The following HIVEP2 variants were observed in gnomAD, a reference collection of about 807,000 sequenced individuals.
HIVEP2 encodes the protein HIVEP zinc finger 2, also known as transcription factor HIVEP2.
Under a neutral mutation model 180.7 loss-of-function variants are expected in HIVEP2, and 14 were observed. The observed-to-expected ratio is 0.08, with a 90% CI of 0.05 to 0.12. The LOEUF is 0.12. HIVEP2 is among the 10% of genes least tolerant of loss of function. The pLI, the probability that HIVEP2 is intolerant of heterozygous loss-of-function variation, is 1.00. For missense variants in HIVEP2, 2,579 were observed against 3,008.5 expected (o/e 0.86, Z 3.34); for synonymous variants, 1,184 against 1,136.4 (o/e 1.04, Z -0.84).
chr6:142,866,499 C>T (rs1776142194), intron 1 of HIVEP2, among the ~76,000 whole-genome samples: 1 of 149,960 alleles, frequency 6.7e-6, no homozygotes, highest in South Asian at 2.2e-4. Context: ...AGCGTTAGGT[C>T]AGTGCTAACT....
At chr6:142,888,171 CT>C (rs556962370) in intron 1 of HIVEP2, among the ~76,000 whole-genome samples, 152 of 152,220 alleles carry the variant, frequency 1.0e-3, no homozygotes, top group Middle Eastern at 6.8e-3. Context: ...TAGTTTTCTC[CT>C]TTAGTCTCAG....
At chr6:142,781,149 A>G (rs1562514282) in intron 3 of HIVEP2, among the ~76,000 whole-genome samples, 4 of 152,222 alleles carry the variant, frequency 2.6e-5, no homozygotes, top group African/African-American at 7.2e-5. Context: ...ATGGTTAATT[A>G]TAGCTACAGT....
chr6:142,782,044 G>A (rs746594163), intron 3 of HIVEP2, among the ~76,000 whole-genome samples: 1 of 152,068 alleles, frequency 6.6e-6, no homozygotes, highest in Non-Finnish European at 1.5e-5. Flanking sequence ...AAATAATGAC[G>A]GTATACAATG....
intron 1 of HIVEP2, among the ~76,000 whole-genome samples, chr6:142,838,798 C>G (rs757891611): frequency 6.6e-6 from 1 of 152,098 alleles, no homozygotes; most frequent in Non-Finnish European, 1.5e-5. Context: ...TTCAGTCCCT[C>G]TTCATTTCTT....
chr6:142,794,714 A>G (rs534064), intron 2 of HIVEP2, among the ~76,000 whole-genome samples: 5,519 of 152,296 alleles, frequency 0.036, 126 homozygotes, highest in Non-Finnish European at 0.061. Context: ...TTACACCGGC[A>G]GATCCTACAC....
intron 1 of HIVEP2, among the ~76,000 whole-genome samples, chr6:142,911,262 T>G (rs1777398648): frequency 6.6e-6 from 1 of 151,766 alleles, no homozygotes; most frequent in Non-Finnish European, 1.5e-5. Flanking sequence ...ACAGTTGGGA[T>G]TCAGAAAGGA....
chr6:142,921,979 T>C (rs1052349806), intron 1 of HIVEP2, among the ~76,000 whole-genome samples: 1 of 152,244 alleles, frequency 6.6e-6, no homozygotes, highest in Non-Finnish European at 1.5e-5. Context: ...CATATGGTAT[T>C]GATGCTTAAA....
At chr6:142,807,613 C>G (rs1776586235) in intron 2 of HIVEP2, among the ~76,000 whole-genome samples, 1 of 152,162 alleles carries the variant, frequency 6.6e-6, no homozygotes, top group Admixed American at 6.5e-5. Flanking sequence ...TAACTTGTAT[C>G]TGCTGAAGAA....
chr6:142,752,424 C>T lies in HIVEP2; in HGVS notation c.*683G>A, dbSNP rs1774944948. ...AGCAAACAAGAGACAAAAAAATATA[C>T]AAGAGTTAAGAACTGACTGATACAT... On this transcript the variant is annotated 3_prime_UTR_variant, in exon 10 of 10. Coordinates refer to ENST00000367603, the MANE Select transcript of HIVEP2 (RefSeq NM_006734.4). 1 of 152,518 alleles carries T rather than the reference C, an allele frequency of 6.6e-6. No individual in the cohort carries two copies. Among genetic ancestry groups the T allele is most frequent in the East Asian group, 1.9e-4 (1 of 5,194 alleles). The allele number at this position is 152,518 out of a possible 1,614,324, so 9.4% of individuals were successfully genotyped here.
At chr6:142,846,252 G>A (rs971096807) in intron 1 of HIVEP2, among the ~76,000 whole-genome samples, 2 of 151,954 alleles carry the variant, frequency 1.3e-5, no homozygotes, top group East Asian at 3.9e-4. Context: ...TCCTGTCAGG[G>A]CTGTGATTTA....
chr6:142,800,170 A>G lies in HIVEP2; in HGVS notation c.-527-16555T>C, dbSNP rs140985990. Among the ~76,000 whole-genome samples, 545 of 152,290 alleles carry G rather than the reference A, an allele frequency of 3.6e-3. 10 individuals carry two copies. In the East Asian group the frequency reaches 0.038, roughly 11 times the overall value. ...GGAATAAATGGTCTTAATAGCTCAC[A>G]AATATCTGAGGAATTAAACCTAGGA... On this transcript the variant is annotated intron_variant, in intron 2 of 9. Coordinates refer to ENST00000367603, the MANE Select transcript of HIVEP2 (RefSeq NM_006734.4).
chr6:142,762,283 A>G (rs1339356980), intron 7 of HIVEP2, among the ~76,000 whole-genome samples: 1 of 152,182 alleles, frequency 6.6e-6, no homozygotes, highest in East Asian at 1.9e-4. Flanking sequence ...AACAAAAAAG[A>G]AAGGTTTCAT....
intron 2 of HIVEP2, among the ~76,000 whole-genome samples, chr6:142,811,614 C>T (rs966173165): frequency 1.8e-4 from 28 of 152,294 alleles, no homozygotes; most frequent in African/African-American, 6.0e-4. Context: ...TTAAATTACA[C>T]AACTTTCAGT....
chr6:142,763,850 G>C (rs1007234473), intron 7 of HIVEP2, among the ~76,000 whole-genome samples: 2 of 152,138 alleles, frequency 1.3e-5, no homozygotes, highest in African/African-American at 2.4e-5. Context: ...TTTAATAAAA[G>C]AGAAACAGAT....
At chr6:142,944,437 A>C (rs927556804) in intron 1 of HIVEP2, among the ~76,000 whole-genome samples, 3 of 144,022 alleles carry the variant, frequency 2.1e-5, no homozygotes, top group Non-Finnish European at 4.5e-5. Context: ...CCACACACAC[A>C]CACACACACG....
intron 2 of HIVEP2, among the ~76,000 whole-genome samples, chr6:142,801,224 C>T (rs1776400486): frequency 1.4e-5 from 2 of 143,954 alleles, no homozygotes; most frequent in South Asian, 2.2e-4. Context: ...AGGGAATACA[C>T]ACAATACCTT....
intron 1 of HIVEP2, among the ~76,000 whole-genome samples, chr6:142,909,227 A>C (rs999556178): frequency 2.0e-5 from 3 of 152,288 alleles, no homozygotes; most frequent in African/African-American, 7.2e-5. Flanking sequence ...TTAACTATAA[A>C]AGCATTAGCT....
chr6:142,757,254 G>C (rs987121228), intron 9 of HIVEP2, among the ~76,000 whole-genome samples: 1 of 152,156 alleles, frequency 6.6e-6, no homozygotes, highest in African/African-American at 2.4e-5. Context: ...TCCCAGATCT[G>C]TTCCCTCATA....
rs1010564841 is a variant in HIVEP2 at position 142,943,701 on chromosome 6, C to T, written c.-641+1398G>A. Among the ~76,000 whole-genome samples, 2 of 152,076 alleles carry T rather than the reference C, an allele frequency of 1.3e-5. No homozygotes were observed. The highest frequency in any genetic ancestry group is 2.9e-5 in the Non-Finnish European group (2 of 68,006). On this transcript the variant is annotated intron_variant, in intron 1 of 9. Transcript: ENST00000367603. This position sits in a 1 kb window ranked among gnomAD's most constrained non-coding sequence, Gnocchi z 4.5. ...AGAAAAGGAAGGAGAAAAATCAGCT[C>T]AAATTTTCCATTATAATGAAAGTAC...
Sources: allele counts gnomAD v4.1 joint callset (sites outside exome capture counted in the v4.1 genomes callset), GRCh38; gene constraint gnomAD v4.1.1; non-coding constraint Gnocchi (gnomAD v3.1); transcripts MANE v1.5; gene names NCBI Gene and HGNC (gene_info 2026-07-23, HGNC 2026-07-21).